PTPDC1: variants seen among roughly 807,000 people sequenced by gnomAD.
The protein encoded by PTPDC1 is protein tyrosine phosphatase domain-containing protein 1.
In PTPDC1, 53 loss-of-function variants were observed where a neutral mutation model predicts 75.3. The observed-to-expected ratio is 0.70, with a 90% CI of 0.56 to 0.88. The LOEUF (loss-of-function observed/expected upper bound fraction) is 0.88, where lower values mean the gene tolerates loss of function less well. Among genes scored for constraint, PTPDC1 ranks in the 40% least tolerant of loss-of-function variants. The pLI, the probability that PTPDC1 is intolerant of heterozygous loss-of-function variation, is 0.00. For synonymous variants in PTPDC1, 349 were observed against 366.2 expected, an observed-to-expected ratio of 0.95 and a Z score of 0.54; for missense variants, 925 against 998.6, an observed-to-expected ratio of 0.93 and a Z score of 0.99.
At chr9:94,087,788 C>T (rs945171682) in intron 2 of PTPDC1, 43 bp from the exon 3 acceptor site, 2 of 1,431,582 alleles carry the variant, frequency 1.4e-6, no homozygotes, top group Non-Finnish European at 9.8e-7. Flanking sequence ...CTGGAACTTC[C>T]TAGGTTTCAG....
In PTPDC1 at chr9:94,109,253, T is replaced by C. The variant is rs750723833; in HGVS notation, c.*1309T>C. On this transcript the variant is annotated 3_prime_UTR_variant, in exon 9 of 9. Transcript: ENST00000620992. ...ATAGTTCTTCCCAATAAAGGTGATA[T>C]TAATCAGACTAATTTCGAACTAAAG... The C allele has an allele frequency of 6.6e-6, 1 of 152,200 alleles. No homozygotes were observed. Among genetic ancestry groups the C allele is most frequent in the Non-Finnish European group, 1.5e-5 (1 of 68,030 alleles). 9.4% of individuals were successfully genotyped at this position (152,200 alleles called of 1,614,324 possible).
chr9:94,094,574 G>A (rs562292634), intron 4 of PTPDC1, among the ~76,000 whole-genome samples: 6 of 152,284 alleles, frequency 3.9e-5, no homozygotes, highest in African/African-American at 9.6e-5. Flanking sequence ...ATAGAGGCAG[G>A]CAGGCCTCCT....
chr9:94,033,103 C>T (rs1829758336), intron 1 of PTPDC1, among the ~76,000 whole-genome samples: 1 of 152,034 alleles, frequency 6.6e-6, no homozygotes, highest in Admixed American at 6.5e-5. Context: ...CTCAAGTAAT[C>T]TCCCGCCTCA....
At chr9:94,031,788 G>T (rs1381029416) in intron 1 of PTPDC1, among the ~76,000 whole-genome samples, 2 of 152,132 alleles carry the variant, frequency 1.3e-5, no homozygotes, top group Non-Finnish European at 2.9e-5. Context: ...TGGGAGGAGA[G>T]GGGGAAAATC....
intron 1 of PTPDC1, among the ~76,000 whole-genome samples, chr9:94,061,910 T>C (rs974404290): frequency 1.3e-5 from 2 of 152,238 alleles, no homozygotes; most frequent in Non-Finnish European, 2.9e-5. Context: ...TGCCTTCCTT[T>C]TCGTTGTGCA....
At chr9:94,085,042 G>T (rs145800353) in intron 1 of PTPDC1, among the ~76,000 whole-genome samples, 57 of 152,258 alleles carry the variant, frequency 3.7e-4, no homozygotes, top group African/African-American at 1.3e-3. Flanking sequence ...TTGCCAGTAT[G>T]TGTGGAGATT....
chr9:94,054,849 C>G (rs1247084526), intron 1 of PTPDC1, among the ~76,000 whole-genome samples: 3 of 152,180 alleles, frequency 2.0e-5, no homozygotes, highest in Non-Finnish European at 4.4e-5. Context: ...TTTGCAGCAA[C>G]CAGTTGGAAG....
chr9:94,070,143 A>G (rs2117900041), intron 2 of PTPDC1, among the ~76,000 whole-genome samples: 1 of 152,242 alleles, frequency 6.6e-6, no homozygotes, highest in Non-Finnish European at 1.5e-5. Flanking sequence ...ATTCTAATCC[A>G]TTATTACACC....
At chr9:94,069,429 G>A (rs1215453325) in intron 2 of PTPDC1, among the ~76,000 whole-genome samples, 11 of 151,942 alleles carry the variant, frequency 7.2e-5, no homozygotes, top group African/African-American at 2.4e-4. Context: ...AAGTGGACCA[G>A]CTCAGTTAAA....
At chr9:94,085,215 T>A in intron 1 of PTPDC1, 36 bp from the exon 2 acceptor site, 2 of 1,567,840 alleles carry the variant, frequency 1.3e-6, no homozygotes, top group Non-Finnish European at 1.7e-6. Context: ...ATTTGGAGAG[T>A]GGAATTTTGA....
chr9:94,064,550 T>C (rs548293192), intron 1 of PTPDC1, among the ~76,000 whole-genome samples: 1 of 152,370 alleles, frequency 6.6e-6, no homozygotes, highest in African/African-American at 2.4e-5. Context: ...TTGTGTTAAA[T>C]TTTCAGCATC....
intron 4 of PTPDC1, among the ~76,000 whole-genome samples, chr9:94,091,134 G>C (rs903581852): frequency 3.3e-5 from 5 of 151,244 alleles, no homozygotes; most frequent in African/African-American, 9.7e-5. Flanking sequence ...TAGGAGTGGT[G>C]AGAGAGGGCA....
At chr9:94,087,965 T>C (rs915664710) in intron 3 of PTPDC1, 54 bp downstream of exon 3, 1 of 1,529,614 alleles carries the variant, frequency 6.5e-7, no homozygotes, top group African/African-American at 1.4e-5. Context: ...TTTTTTTCTT[T>C]CATTGCCTTT....
chr9:94,095,666 A>G (rs1409876931), intron 5 of PTPDC1, among the ~76,000 whole-genome samples: 1 of 152,226 alleles, frequency 6.6e-6, no homozygotes, highest in African/African-American at 2.4e-5. Context: ...AGGATATTGA[A>G]TGTTCCCAAC....
At chr9:94,046,901 A>G (rs1825616211) in intron 1 of PTPDC1, among the ~76,000 whole-genome samples, 1 of 152,288 alleles carries the variant, frequency 6.6e-6, no homozygotes, top group Non-Finnish European at 1.5e-5. Context: ...GAGTGGTGAG[A>G]GACAGCATCC....
intron 1 of PTPDC1, among the ~76,000 whole-genome samples, chr9:94,032,080 GGTGAC>G (rs1369596688): frequency 1.3e-5 from 2 of 152,260 alleles, no homozygotes; most frequent in East Asian, 3.9e-4. Context: ...AGAGGGTTTG[GGTGAC>G]GTGTCACAGT....
chr9:94,097,759 C>T lies in PTPDC1; in HGVS notation c.1193C>T (p.Ser398Phe). The T allele has an allele frequency of 1.2e-6, 2 of 1,614,122 alleles. No homozygotes were observed. The highest frequency in any genetic ancestry group is 2.2e-5 in the South Asian group (2 of 91,064). Residue 398 changes from serine (S) to phenylalanine (F), a missense_variant, in exon 6 of 9, where the codon TCC (serine) becomes TTC (phenylalanine). Coordinates refer to ENST00000620992, the MANE Select transcript of PTPDC1 (RefSeq NM_001253829.2). The part of the protein sequence containing the change: ...KELLRHDSDV[S>F]NPPNPTAVAA... ...TTACTGAGGCATGACAGTGATGTGT[C>T]CAACCCGCCTAACCCCACTGCAGTG...
In PTPDC1 at chr9:94,097,788, G is replaced by T; in HGVS notation, c.1222G>T (p.Ala408Ser). 6.2e-7 allele frequency: 1 copy of T among 1,614,192 alleles called. No individual in the cohort carries two copies. Among genetic ancestry groups the T allele is most frequent in the Non-Finnish European group, 8.5e-7 (1 of 1,180,030 alleles). ...CCCGCCTAACCCCACTGCAGTGGCA[G>T]CAGATTTTGACAATCGAGGCATGAT... is the stretch of plus-strand genomic sequence containing the variant. The part of the protein sequence containing the change: ...SNPPNPTAVA[A>S]DFDNRGMIFS... Residue 408 changes from alanine (A) to serine (S), a missense_variant, in exon 6 of 9, where the codon GCA becomes TCA. Coordinates refer to ENST00000620992, the MANE Select transcript of PTPDC1 (RefSeq NM_001253829.2).
chr9:94,103,386 C>T (rs1564039370), intron 7 of PTPDC1, among the ~76,000 whole-genome samples: 1 of 152,202 alleles, frequency 6.6e-6, no homozygotes, highest in Non-Finnish European at 1.5e-5. Flanking sequence ...GCTGAGGTTG[C>T]ATGCCCAAGG....
Sources: allele counts gnomAD v4.1 joint callset (sites outside exome capture counted in the v4.1 genomes callset), GRCh38; gene constraint gnomAD v4.1.1; transcripts MANE v1.5; gene names NCBI Gene and HGNC (gene_info 2026-07-23, HGNC 2026-07-21).